The following LGSN variants were observed in gnomAD, a reference collection of about 807,000 sequenced individuals.
LGSN encodes lengsin, lens protein with glutamine synthetase domain.
In LGSN, 21 loss-of-function variants were observed where a neutral mutation model predicts 19.5. The ratio of observed to expected loss-of-function variants is 1.07; its 90% CI spans 0.76 to 1.55. The LOEUF is 1.55. Ranked by LOEUF, LGSN falls within the 40% of genes most tolerant of loss-of-function variation. The pLI is 0.00. For synonymous variants in LGSN, 257 were observed against 215.6 expected, an observed-to-expected ratio of 1.19 and a Z score of -1.68; for missense variants, 673 against 608.5, an observed-to-expected ratio of 1.11 and a Z score of -1.12.
the LGSN span, among the ~76,000 whole-genome samples, chr6:63,524,256 A>C: frequency 6.6e-6 from 1 of 152,170 alleles, no homozygotes; most frequent in South Asian, 2.1e-4. Flanking sequence ...AATTGCTGGG[A>C]TTACAGACGT....
At chr6:63,536,477 A>G in the LGSN span, among the ~76,000 whole-genome samples, 3 of 152,260 alleles carry the variant, frequency 2.0e-5, no homozygotes, top group South Asian at 6.2e-4. Flanking sequence ...AGTGAATTAT[A>G]TAACAAGATT....
At chr6:63,505,626 A>AAAGAAAGAAAGG in the LGSN span, among the ~76,000 whole-genome samples, 2 of 130,688 alleles carry the variant, frequency 1.5e-5, 1 homozygote, top group Non-Finnish European at 3.2e-5. Flanking sequence ...AGAAAGAAAG[A>AAAGAAAGAAAGG]AAGAAAGAAA....
the LGSN span, among the ~76,000 whole-genome samples, chr6:63,525,428 G>A: frequency 6.6e-6 from 1 of 152,188 alleles, no homozygotes; most frequent in Non-Finnish European, 1.5e-5. Flanking sequence ...TGCTATTCTT[G>A]TCAGTATCAC....
At chr6:63,348,741 CT>C in the LGSN span, among the ~76,000 whole-genome samples, 2,158 of 106,642 alleles carry the variant, frequency 0.02, 11 homozygotes, top group Middle Eastern at 0.043. Context: ...AAGATTTTTA[CT>C]TTTTTTTTTT....
the LGSN span, among the ~76,000 whole-genome samples, chr6:63,502,427 A>T: frequency 6.6e-6 from 1 of 152,156 alleles, no homozygotes; most frequent in Non-Finnish European, 1.5e-5. Flanking sequence ...GACTCATTCT[A>T]TTTTACATAA....
At chr6:63,498,370 C>T in the LGSN span, among the ~76,000 whole-genome samples, 1 of 152,084 alleles carries the variant, frequency 6.6e-6, no homozygotes, top group African/African-American at 2.4e-5. Context: ...AAAACCTGGT[C>T]AGAGCAACCT....
chr6:63,391,661 G>A, the LGSN span, among the ~76,000 whole-genome samples: 5 of 152,112 alleles, frequency 3.3e-5, no homozygotes, highest in Admixed American at 1.3e-4. Context: ...TCTGCTTTAC[G>A]GTTAGTCAAC....
the LGSN span, chr6:63,443,668 C>T: frequency 2.0e-5 from 12 of 595,514 alleles, no homozygotes; most frequent in Non-Finnish European, 1.1e-5. Flanking sequence ...CTCTTTTTAG[C>T]ATCAGACCTA....
chr6:63,452,775 GCTTT>G, the LGSN span, among the ~76,000 whole-genome samples: 5 of 147,936 alleles, frequency 3.4e-5, no homozygotes, highest in Non-Finnish European at 7.5e-5. Flanking sequence ...TCTTTTTTCT[GCTTT>G]CTATCTTATT....
At chr6:63,544,043 A>C in the LGSN span, among the ~76,000 whole-genome samples, 1 of 152,132 alleles carries the variant, frequency 6.6e-6, no homozygotes, top group African/African-American at 2.4e-5. Flanking sequence ...CTCCGCCCCC[A>C]ACCCCGTATT....
chr6:63,399,267 A>G, the LGSN span, among the ~76,000 whole-genome samples: 1 of 152,178 alleles, frequency 6.6e-6, no homozygotes, highest in Non-Finnish European at 1.5e-5. Context: ...CTTATAGCTT[A>G]GGTGTGTAGT....
chr6:63,337,404 G>A, the LGSN span, among the ~76,000 whole-genome samples: 303 of 151,930 alleles, frequency 2.0e-3, 2 homozygotes, highest in African/African-American at 6.9e-3. Flanking sequence ...CAGAGGTTGC[G>A]AGGTAGAGGT....
At chr6:63,479,953 C>T in the LGSN span, among the ~76,000 whole-genome samples, 1 of 152,264 alleles carries the variant, frequency 6.6e-6, no homozygotes. Context: ...GGGAATAAAA[C>T]AAAGCAAAAC....
the LGSN span, among the ~76,000 whole-genome samples, chr6:63,415,474 G>A: frequency 2.0e-5 from 3 of 152,194 alleles, no homozygotes; most frequent in African/African-American, 7.2e-5. Flanking sequence ...TCTTCACAAG[G>A]CAGCAGAAAG....
At chr6:63,494,943 T>A in the LGSN span, among the ~76,000 whole-genome samples, 1 of 151,980 alleles carries the variant, frequency 6.6e-6, no homozygotes, top group East Asian at 1.9e-4. Flanking sequence ...TGTTAATTCC[T>A]ATATTTATAA....
At chr6:63,558,372 G>C in the LGSN span, among the ~76,000 whole-genome samples, 2 of 152,052 alleles carry the variant, frequency 1.3e-5, no homozygotes, top group South Asian at 4.2e-4. Flanking sequence ...TTAGAAGGAG[G>C]GGGACAATCT....
chr6:63,558,951 A>T, the LGSN span, among the ~76,000 whole-genome samples: 2 of 152,244 alleles, frequency 1.3e-5, no homozygotes, highest in Non-Finnish European at 2.9e-5. Context: ...GCCTGCACAT[A>T]GTAAGCACTG....
chr6:63,404,780 T>A, the LGSN span, among the ~76,000 whole-genome samples: 1 of 151,826 alleles, frequency 6.6e-6, no homozygotes. Context: ...ATGATTAATA[T>A]ACTAAAAAAA....
chr6:63,334,185 C>T, the LGSN span, among the ~76,000 whole-genome samples: 28 of 152,144 alleles, frequency 1.8e-4, no homozygotes, highest in South Asian at 2.1e-4. Flanking sequence ...GCAAATTGTT[C>T]GCCTTTGCAG....
Sources: gnomAD v4.1 joint callset for allele counts (sites outside exome capture counted in the v4.1 genomes callset) on GRCh38, gnomAD v4.1.1 for gene constraint, MANE v1.5 for transcripts, NCBI Gene and HGNC (gene_info 2026-07-23, HGNC 2026-07-21) for gene names.